Variants in AOPEP observed in about 807,000 individuals in gnomAD.
AOPEP encodes the protein aminopeptidase O.
A neutral mutation model predicts 98.1 loss-of-function variants in AOPEP; 77 were observed. The observed-to-expected ratio is 0.78, with a 90% CI of 0.65 to 0.95. The LOEUF is 0.95. Among genes scored for constraint, AOPEP ranks in the 40% least tolerant of loss-of-function variants. AOPEP has a pLI of 0.00. For synonymous variants in AOPEP, 346 were observed against 365.3 expected (o/e 0.95, Z 0.60); for missense variants, 1,024 against 1,024.7 (o/e 1.00, Z 0.01).
the AOPEP span, among the ~76,000 whole-genome samples, chr9:95,105,761 GCA>G: frequency 6.6e-6 from 1 of 152,188 alleles, no homozygotes; most frequent in East Asian, 1.9e-4. Flanking sequence ...TATTTCAACA[GCA>G]CAGTGTCTTC....
chr9:94,752,125 T>C (rs1835941062), intron 1 of AOPEP, among the ~76,000 whole-genome samples: 1 of 152,102 alleles, frequency 6.6e-6, no homozygotes. Context: ...TGGGCTCAAG[T>C]GATCCTCCCG....
chr9:94,999,562 T>C (rs1218654115), intron 11 of AOPEP, among the ~76,000 whole-genome samples: 1 of 152,108 alleles, frequency 6.6e-6, no homozygotes, highest in Non-Finnish European at 1.5e-5. Flanking sequence ...CCGGTAAACA[T>C]TGTGATGGAT....
chr9:95,142,729 A>T, the AOPEP span, among the ~76,000 whole-genome samples: 1 of 152,200 alleles, frequency 6.6e-6, no homozygotes. Context: ...ATTTTAAATC[A>T]TATGGCCACC....
rs151318282 is a variant in AOPEP, at chr9:94,751,138, C to T, written c.-135-8511C>T. ...CTGGCACCAACTAGGGCTTTCTCTC[C>T]GGTGGAAAACTATAACGCAGGAAGC... On this transcript the variant is annotated intron_variant, in intron 1 of 16. Coordinates refer to ENST00000375315, the MANE Select transcript of AOPEP (RefSeq NM_001193329.3). Among the ~76,000 whole-genome samples the T allele has an allele frequency of 1.5e-3, 223 of 152,184 alleles. 1 individual carries two copies. Among genetic ancestry groups the T allele is most frequent in the South Asian group, 8.5e-3 (41 of 4,826 alleles).
intron 5 of AOPEP, among the ~76,000 whole-genome samples, chr9:94,849,579 C>G (rs572243679): frequency 8.0e-5 from 12 of 149,284 alleles, no homozygotes; most frequent in African/African-American, 3.0e-4. Flanking sequence ...CATCAGGGAC[C>G]TGTTTTGTGG....
chr9:94,944,080 G>A (rs770885745), intron 7 of AOPEP, among the ~76,000 whole-genome samples: 8 of 152,078 alleles, frequency 5.3e-5, no homozygotes, highest in Non-Finnish European at 1.2e-4. Context: ...ATACCTACTA[G>A]GATGGCTACA....
intron 5 of AOPEP, among the ~76,000 whole-genome samples, chr9:94,824,103 G>A (rs934369708): frequency 1.3e-5 from 2 of 152,146 alleles, no homozygotes; most frequent in Non-Finnish European, 2.9e-5. Flanking sequence ...AACCAGAGGA[G>A]GGTACAACAG....
chr9:94,979,578 C>T (rs767491899), intron 11 of AOPEP, 151 bp downstream of exon 11: 2 of 580,956 alleles, frequency 3.4e-6, no homozygotes, highest in South Asian at 2.4e-5. Flanking sequence ...ACACTAGTCT[C>T]TCCCGCATTT....
Position 95,086,108 on chromosome 9 carries a change from G to C in AOPEP, c.*5-574G>C, listed in dbSNP as rs762865185. ...CAGGAGTCGAGCCCTTGAGCAAAAAGCCTTCGTGTCTGTAAGTGCCCGAGG... is the reference window on the plus strand; with the variant it reads ...CAGGAGTCGAGCCCTTGAGCAAAAACCCTTCGTGTCTGTAAGTGCCCGAGG... On this transcript the variant is annotated intron_variant, in intron 16 of 16. Coordinates refer to ENST00000375315, the MANE Select transcript of AOPEP (RefSeq NM_001193329.3). 7.3e-6 allele frequency: 10 copies of C among 1,366,636 alleles called. No homozygotes were observed. In the African/African-American group the frequency reaches 8.9e-5, roughly 12 times the overall value. 84.7% of individuals were successfully genotyped at this position (1,366,636 alleles called of 1,614,324 possible).
intron 5 of AOPEP, among the ~76,000 whole-genome samples, chr9:94,821,970 A>AAT (rs1267606198): frequency 7.1e-6 from 1 of 141,360 alleles, no homozygotes; most frequent in Non-Finnish European, 1.6e-5. Context: ...TGTGTGTGTA[A>AAT]ACACACACAC....
intron 5 of AOPEP, among the ~76,000 whole-genome samples, chr9:94,919,245 C>T (rs1767368402): frequency 6.6e-6 from 1 of 152,182 alleles, no homozygotes; most frequent in Non-Finnish European, 1.5e-5. Flanking sequence ...TCCCCTTACA[C>T]ATTGATCAGA....
Position 95,005,181 on chromosome 9 carries a change from CG to C in AOPEP, c.2005del (p.Ala669ArgfsTer19), listed in dbSNP as rs1416671231. 8.7e-7 allele frequency: 1 copy of C among 1,151,360 alleles called. No homozygotes were observed. The allele number at this position is 1,151,360 out of a possible 1,614,324, so 71.3% of individuals were successfully genotyped here. The stretch of plus-strand genomic sequence containing the variant: ...AGCCGCTGCAGAGGGAGCGTCGCGC[CG>C]GGGCGGAGTGCGGGCTTGCGCGGCA... ...PKPLQRERRA[G>X]AECGLARQVR... On this transcript the variant is annotated frameshift_variant, in exon 12 of 17. Transcript: ENST00000375315. LOFTEE classifies it high-confidence loss of function.
At position 94,907,594 on chromosome 9, in the gene AOPEP, A is replaced by G. The variant is rs112870566; in HGVS notation, c.1365-16392A>G. Among the ~76,000 whole-genome samples, 614 of 152,098 alleles carry G rather than the reference A, an allele frequency of 4.0e-3. 2 individuals carry two copies. The highest frequency in any genetic ancestry group is 5.9e-3 in the Non-Finnish European group (404 of 67,978). The stretch of plus-strand genomic sequence containing the variant: ...TACACACATGCATGTGTGCACACAC[A>G]TGCACACCCTCCCCCACACCAGTCT... On this transcript the variant is annotated intron_variant, in intron 5 of 16. Transcript: ENST00000375315.
At position 95,035,985 on chromosome 9, in the gene AOPEP, G is replaced by C. The variant is rs1203637607; in HGVS notation, c.2116-24709G>C. On this transcript the variant is annotated intron_variant, in intron 13 of 16. Transcript: ENST00000375315. ...AATAGGTCTGAGGGTGGTGACTGTA[G>C]ACCCCCGGGAGAGGTTTCCGTGATG... Among the ~76,000 whole-genome samples, 3 of 152,176 alleles carry C rather than the reference G, an allele frequency of 2.0e-5. No homozygotes were observed. The East Asian group carries it at 5.8e-4, about 29-fold the overall frequency.
intron 7 of AOPEP, among the ~76,000 whole-genome samples, chr9:94,948,125 G>C (rs1313886864): frequency 1.3e-5 from 2 of 152,152 alleles, no homozygotes; most frequent in Admixed American, 1.3e-4. Flanking sequence ...TGCGGTTGCT[G>C]TTCTTGACTG....
At chr9:95,129,587 C>T in the AOPEP span, among the ~76,000 whole-genome samples, 13 of 152,260 alleles carry the variant, frequency 8.5e-5, no homozygotes, top group East Asian at 2.5e-3. Flanking sequence ...TCTATAAAAG[C>T]GGGGAAATAA....
At chr9:95,095,882 G>C in the AOPEP span, among the ~76,000 whole-genome samples, 2 of 152,194 alleles carry the variant, frequency 1.3e-5, no homozygotes, top group Non-Finnish European at 2.9e-5. Flanking sequence ...GGCTGGACAG[G>C]GTGTGACCAT....
At chr9:95,063,152 AG>A (rs2067479860) in intron 14 of AOPEP, among the ~76,000 whole-genome samples, 1 of 152,258 alleles carries the variant, frequency 6.6e-6, no homozygotes, top group Non-Finnish European at 1.5e-5. Flanking sequence ...GTTCCACAGA[AG>A]CACCTTGTCT....
At chr9:95,085,224 G>C (rs1422760784) in intron 16 of AOPEP, 1 of 496,304 alleles carries the variant, frequency 2.0e-6, no homozygotes, top group Non-Finnish European at 4.2e-6. Context: ...TGCTCTGGCT[G>C]CTTGGGTTCC....
Sources: gnomAD v4.1 joint callset for allele counts (sites outside exome capture counted in the v4.1 genomes callset) on GRCh38, gnomAD v4.1.1 for gene constraint, MANE v1.5 for transcripts, NCBI Gene and HGNC (gene_info 2026-07-23, HGNC 2026-07-21) for gene names.